The following PRDM16 variants were observed in gnomAD, a reference collection of about 807,000 sequenced individuals.
PRDM16 encodes the protein PR/SET domain 16.
Under a neutral mutation model 110.6 loss-of-function variants are expected in PRDM16, and 23 were observed. The ratio of observed to expected loss-of-function variants is 0.21; its 90% confidence interval spans 0.15 to 0.29. The LOEUF (loss-of-function observed/expected upper bound fraction) is 0.29. PRDM16 is among the 10% of genes least tolerant of loss of function. PRDM16 has a pLI of 1.00. For missense variants in PRDM16, 1,615 were observed against 1,794.3 expected (o/e 0.90, Z 1.81); for synonymous variants, 799 against 781.8 (o/e 1.02, Z -0.37).
intron 12 of PRDM16, among the ~76,000 whole-genome samples, chr1:3,423,123 T>C (rs1271915553): frequency 6.6e-6 from 1 of 152,136 alleles, no homozygotes; most frequent in Non-Finnish European, 1.5e-5. Flanking sequence ...CCAGGGAAGT[T>C]TGCTGGGACG....
chr1:3,168,910 C>T (rs572318854), intron 1 of PRDM16, among the ~76,000 whole-genome samples: 1 of 152,316 alleles, frequency 6.6e-6, no homozygotes, highest in South Asian at 2.1e-4. Context: ...CAGGTGGTTG[C>T]TGCCCACACC....
intron 2 of PRDM16, among the ~76,000 whole-genome samples, chr1:3,197,511 C>T (rs74048303): frequency 0.012 from 1,891 of 152,366 alleles, 38 homozygotes; most frequent in African/African-American, 0.043. Flanking sequence ...ACCTGCAGTG[C>T]GGTCCCTGCA....
chr1:3,237,431 C>A (rs957591855), intron 2 of PRDM16, among the ~76,000 whole-genome samples: 21 of 152,150 alleles, frequency 1.4e-4, no homozygotes, highest in Non-Finnish European at 4.4e-5. Context: ...TCCTCTTCCT[C>A]GTGTTGATGT....
At position 3,193,683 on chromosome 1, in the gene PRDM16, C is replaced by A. The variant is rs961911170; in HGVS notation, c.387+7209C>A. 1.1e-4 allele frequency among the ~76,000 whole-genome samples: 16 copies of A among 152,304 alleles called. 5 individuals carry two copies. Among genetic ancestry groups the A allele is most frequent in the Admixed American group, 4.6e-4 (7 of 15,302 alleles). ...CCGGGGAGGAGGTGCAAGCCCCTGC[C>A]CCCCAACAATGTCTGCTGAATGCAT... On this transcript the variant is annotated intron_variant, in intron 2 of 16. Coordinates refer to ENST00000270722, the MANE Select transcript of PRDM16 (RefSeq NM_022114.4).
intron 1 of PRDM16, among the ~76,000 whole-genome samples, chr1:3,147,597 C>A (rs1396109999): frequency 6.6e-6 from 1 of 152,154 alleles, no homozygotes; most frequent in Non-Finnish European, 1.5e-5. Context: ...GAATGAGACC[C>A]CAAATCTTGA....
At chr1:3,083,066 C>T (rs946914149) in intron 1 of PRDM16, among the ~76,000 whole-genome samples, 2 of 152,192 alleles carry the variant, frequency 1.3e-5, no homozygotes, top group African/African-American at 4.8e-5. Flanking sequence ...TCCTTAGGAT[C>T]CAGGCAGTCA....
At chr1:3,371,817 C>T (rs1642913540) in intron 3 of PRDM16, among the ~76,000 whole-genome samples, 1 of 152,248 alleles carries the variant, frequency 6.6e-6, no homozygotes, top group Non-Finnish European at 1.5e-5. Context: ...TCTGGCTGTG[C>T]AAACTTGGGC....
chr1:3,084,897 C>A (rs553414734), intron 1 of PRDM16, among the ~76,000 whole-genome samples: 1 of 152,286 alleles, frequency 6.6e-6, no homozygotes, highest in East Asian at 1.9e-4. Flanking sequence ...TGGAGTTGCA[C>A]AGCCTGTAGG....
At position 3,277,440 on chromosome 1, in the gene PRDM16, G is replaced by A. The variant is rs149570399; in HGVS notation, c.438+33303G>A. Among the ~76,000 whole-genome samples, 971 of 152,346 alleles carry A rather than the reference G, an allele frequency of 6.4e-3. 6 individuals carry two copies. The highest frequency in any genetic ancestry group is 0.022 in the African/African-American group (910 of 41,588). On this transcript the variant is annotated intron_variant, in intron 3 of 16. Transcript: ENST00000270722. Reference sequence around the variant, plus strand: ...CCAGGGCCCTACCCTGCCATGGGGCGCACTTGCTCAGGCCTCTCCTCACCA... The same window carrying A: ...CCAGGGCCCTACCCTGCCATGGGGCACACTTGCTCAGGCCTCTCCTCACCA...
intron 3 of PRDM16, among the ~76,000 whole-genome samples, chr1:3,276,042 T>C (rs1640575701): frequency 6.6e-6 from 1 of 152,218 alleles, no homozygotes; most frequent in African/African-American, 2.4e-5. Flanking sequence ...CTCTGCCGGC[T>C]TTGGTCTCCG....
At chr1:3,314,610 G>T (rs996709207) in intron 3 of PRDM16, among the ~76,000 whole-genome samples, 4 of 151,594 alleles carry the variant, frequency 2.6e-5, no homozygotes, top group African/African-American at 9.7e-5. Flanking sequence ...CTCCTTCTCT[G>T]TGTCAATGAA....
Position 3,202,049 on chromosome 1 carries a change from G to A in PRDM16, c.387+15575G>A, listed in dbSNP as rs115366344. ...AGGTCCCCACTGCCTTCTGAGGTTA[G>A]GAGGGCTTTCCACCTGCCTCAGGAG... is the stretch of plus-strand genomic sequence containing the variant. On this transcript the variant is annotated intron_variant, in intron 2 of 16. Coordinates refer to ENST00000270722, the MANE Select transcript of PRDM16 (RefSeq NM_022114.4). Among the ~76,000 whole-genome samples, 1,388 of 152,274 alleles carry A rather than the reference G, an allele frequency of 9.1e-3. 22 individuals are homozygous for A. The highest frequency in any genetic ancestry group is 0.032 in the African/African-American group (1,314 of 41,568).
intron 3 of PRDM16, among the ~76,000 whole-genome samples, chr1:3,250,078 C>G (rs142814337): frequency 6.6e-6 from 1 of 152,182 alleles, no homozygotes; most frequent in Non-Finnish European, 1.5e-5. Flanking sequence ...CCCTGGGGAC[C>G]AGCCCAGGTG....
intron 2 of PRDM16, among the ~76,000 whole-genome samples, chr1:3,233,204 G>T (rs547077130): frequency 4.6e-5 from 7 of 152,222 alleles, no homozygotes; most frequent in Admixed American, 3.9e-4. Flanking sequence ...TGCCCAGGGT[G>T]GGGGTGGCCG....
chr1:3,278,007 A>T (rs561346261), intron 3 of PRDM16, among the ~76,000 whole-genome samples: 41 of 152,196 alleles, frequency 2.7e-4, no homozygotes, highest in Non-Finnish European at 4.0e-4. Context: ...GGACCCTCTC[A>T]TCTGAAAAGG....
chr1:3,171,747 G>T (rs1287895638), intron 1 of PRDM16, among the ~76,000 whole-genome samples: 1 of 152,042 alleles, frequency 6.6e-6, no homozygotes, highest in African/African-American at 2.4e-5. Context: ...CAGGACTCCA[G>T]AACACCTAAG....
intron 2 of PRDM16, among the ~76,000 whole-genome samples, chr1:3,227,343 C>T (rs895750289): frequency 6.6e-6 from 1 of 152,270 alleles, no homozygotes. Context: ...GGGACAGGAA[C>T]CAGAGTCCTG....
At chr1:3,088,741 C>T (rs949644996) in intron 1 of PRDM16, among the ~76,000 whole-genome samples, 3 of 149,932 alleles carry the variant, frequency 2.0e-5, no homozygotes, top group South Asian at 2.1e-4. Flanking sequence ...TGAGTCACGG[C>T]GCCCGGCCAT....
At chr1:3,431,173 A>C in intron 15 of PRDM16, 65 bp downstream of exon 15, 1 of 1,516,274 alleles carries the variant, frequency 6.6e-7, no homozygotes, top group Non-Finnish European at 8.8e-7. Flanking sequence ...CACGAGGGGG[A>C]CCTCCCTCTT....
Sources: allele counts gnomAD v4.1 joint callset (sites outside exome capture counted in the v4.1 genomes callset), GRCh38; gene constraint gnomAD v4.1.1; transcripts MANE v1.5; gene names NCBI Gene and HGNC (gene_info 2026-07-23, HGNC 2026-07-21).